Variants in SORCS3 observed in about 807,000 individuals in gnomAD.
The protein encoded by SORCS3 is VPS10 domain-containing receptor SorCS3.
A neutral mutation model predicts 146.3 loss-of-function variants in SORCS3; 57 were observed. That is an observed-to-expected ratio of 0.39 (90% CI 0.31 to 0.49). SORCS3 has a LOEUF of 0.49. Among genes scored for constraint, SORCS3 ranks in the 20% least tolerant of loss-of-function variants. SORCS3 has a pLI of 0.92. For synonymous variants in SORCS3, 653 were observed against 618.5 expected (o/e 1.06, Z -0.83); for missense variants, 1,341 against 1,575.5 (o/e 0.85, Z 2.52).
At chr10:104,759,032 G>A (rs75390259) in intron 1 of SORCS3, among the ~76,000 whole-genome samples, 5,110 of 152,282 alleles carry the variant, frequency 0.034, 144 homozygotes, top group Non-Finnish European at 0.045. Flanking sequence ...TTGCAGATGG[G>A]ATTAGTTAAG....
At chr10:105,126,131 A>T (rs2055972046) in intron 7 of SORCS3, among the ~76,000 whole-genome samples, 1 of 152,220 alleles carries the variant, frequency 6.6e-6, no homozygotes, top group Non-Finnish European at 1.5e-5. Context: ...ACCAATAAAT[A>T]AAATTATACT....
At chr10:105,114,062 T>A (rs1032473572) in intron 7 of SORCS3, among the ~76,000 whole-genome samples, 22 of 152,288 alleles carry the variant, frequency 1.4e-4, no homozygotes, top group Admixed American at 6.5e-4. Context: ...ATAAAATTCC[T>A]TTAGTAATAA....
chr10:105,141,260 C>T (rs527563304), intron 8 of SORCS3, among the ~76,000 whole-genome samples: 5 of 152,160 alleles, frequency 3.3e-5, no homozygotes, highest in East Asian at 1.9e-4. Context: ...GAATGCCATC[C>T]GCTTAGTCCC....
At chr10:104,831,051 C>T (rs142184399) in intron 1 of SORCS3, among the ~76,000 whole-genome samples, 115 of 152,098 alleles carry the variant, frequency 7.6e-4, no homozygotes, top group Admixed American at 8.5e-4. Flanking sequence ...GTCGTGAACT[C>T]CTAGGCTCAA....
intron 1 of SORCS3, among the ~76,000 whole-genome samples, chr10:104,807,610 G>A (rs2017693612): frequency 6.6e-6 from 1 of 152,122 alleles, no homozygotes; most frequent in South Asian, 2.1e-4. Flanking sequence ...GGAGGGTGGA[G>A]CAGCATCCAT....
At chr10:104,727,813 G>A (rs920310858) in intron 1 of SORCS3, among the ~76,000 whole-genome samples, 1 of 152,010 alleles carries the variant, frequency 6.6e-6, no homozygotes, top group African/African-American at 2.4e-5. Context: ...ATTATTATAG[G>A]AGCATGAACC....
At chr10:104,849,029 C>T (rs569720841) in intron 2 of SORCS3, among the ~76,000 whole-genome samples, 167 of 152,222 alleles carry the variant, frequency 1.1e-3, no homozygotes, top group Non-Finnish European at 2.1e-3. Flanking sequence ...AGGAATGAAT[C>T]GGAGAAGAGA....
intron 1 of SORCS3, among the ~76,000 whole-genome samples, chr10:104,671,891 T>G (rs2015859556): frequency 6.6e-6 from 1 of 152,176 alleles, no homozygotes; most frequent in African/African-American, 2.4e-5. Flanking sequence ...TTGTTGAGGA[T>G]TTTTCCAGCT....
chr10:104,949,278 A>G (rs1426941540), intron 3 of SORCS3, among the ~76,000 whole-genome samples: 3 of 152,206 alleles, frequency 2.0e-5, no homozygotes, highest in African/African-American at 7.2e-5. Flanking sequence ...GTGAGGAGAC[A>G]TGAGTGGTGG....
chr10:104,875,523 C>T (rs1040676690), intron 2 of SORCS3, among the ~76,000 whole-genome samples: 2 of 152,124 alleles, frequency 1.3e-5, no homozygotes, highest in Non-Finnish European at 1.5e-5. Flanking sequence ...TATGTAGTCT[C>T]TGAACTTAGT....
chr10:105,021,632 T>C (rs1335789352), intron 4 of SORCS3, among the ~76,000 whole-genome samples: 1 of 152,216 alleles, frequency 6.6e-6, no homozygotes, highest in Non-Finnish European at 1.5e-5. Flanking sequence ...GGGATAATTT[T>C]GGGTGACTCA....
intron 4 of SORCS3, among the ~76,000 whole-genome samples, chr10:104,999,704 C>G (rs558056720): frequency 6.6e-6 from 1 of 152,168 alleles, no homozygotes; most frequent in Non-Finnish European, 1.5e-5. Flanking sequence ...CCCCAGGAGG[C>G]CACCCTTGGC....
chr10:105,004,399 C>T (rs1296799116), intron 4 of SORCS3, among the ~76,000 whole-genome samples: 1 of 152,142 alleles, frequency 6.6e-6, no homozygotes, highest in East Asian at 1.9e-4. Flanking sequence ...GGCTTTTGAA[C>T]CTGGGCCTGA....
intron 7 of SORCS3, among the ~76,000 whole-genome samples, chr10:105,130,720 G>A (rs1190092925): frequency 2.0e-5 from 3 of 152,124 alleles, no homozygotes; most frequent in Non-Finnish European, 4.4e-5. Flanking sequence ...TGTTTCAAAG[G>A]AGGCTCAGCC....
Position 104,651,557 on chromosome 10 carries a change from C to G in SORCS3, c.627+9603C>G, listed in dbSNP as rs1173407452. Among the ~76,000 whole-genome samples the G allele has an allele frequency of 2.5e-4, 23 of 90,298 alleles. No individual in the cohort carries two copies. The South Asian group carries it at 9.3e-3, about 36-fold the overall frequency. 59.2% of individuals were successfully genotyped at this position (90,298 alleles called of 152,430 possible). On this transcript the variant is annotated intron_variant, in intron 1 of 26. Coordinates refer to ENST00000369701, the MANE Select transcript of SORCS3 (RefSeq NM_014978.3). ...CTAAAAAAAAAAAAAAAAAAAAACA[C>G]AAAAATTAGCTGGTGGCACATGCCT...
At chr10:104,816,745 G>A (rs966718541) in intron 1 of SORCS3, among the ~76,000 whole-genome samples, 1 of 152,206 alleles carries the variant, frequency 6.6e-6, no homozygotes, top group African/African-American at 2.4e-5. Context: ...GACTGGGGAG[G>A]TTCCTTAGCC....
At chr10:104,952,336 C>G (rs1396554171) in intron 3 of SORCS3, among the ~76,000 whole-genome samples, 12 of 149,934 alleles carry the variant, frequency 8.0e-5, no homozygotes. Flanking sequence ...TACCCTGAGC[C>G]CTTGCTACTC....
chr10:105,245,428 TTG>T, intron 20 of SORCS3, 112 bp from the exon 21 acceptor site: 11 of 1,245,330 alleles, frequency 8.8e-6, no homozygotes, highest in Non-Finnish European at 1.2e-5. Flanking sequence ...TAACGTTTGT[TTG>T]TTTGTTTGTT....
At chr10:104,672,718 T>C (rs1481487112) in intron 1 of SORCS3, among the ~76,000 whole-genome samples, 1 of 152,218 alleles carries the variant, frequency 6.6e-6, no homozygotes, top group Non-Finnish European at 1.5e-5. Flanking sequence ...CATTGTTTGT[T>C]TAAGAGTGTG....
Sources: gnomAD v4.1 joint callset for allele counts (sites outside exome capture counted in the v4.1 genomes callset) on GRCh38, gnomAD v4.1.1 for gene constraint, MANE v1.5 for transcripts, NCBI Gene and HGNC (gene_info 2026-07-23, HGNC 2026-07-21) for gene names.